MARCHF1: variants seen among roughly 807,000 people sequenced by gnomAD.
MARCHF1 encodes E3 ubiquitin-protein ligase MARCHF1.
In MARCHF1, 40 loss-of-function variants were observed where a neutral mutation model predicts 54.2. The ratio of observed to expected loss-of-function variants is 0.74; its 90% CI spans 0.57 to 0.96. MARCHF1 has a LOEUF of 0.96. Ranked by LOEUF, MARCHF1 falls within the 40% of genes least tolerant of loss-of-function variation. The pLI, the probability that MARCHF1 is intolerant of heterozygous loss-of-function variation, is 0.00. For synonymous variants in MARCHF1, 236 were observed against 236.3 expected (o/e 1.00, Z 0.01); for missense variants, 586 against 656.5 (o/e 0.89, Z 1.17).
chr4:163,867,008 A>T (rs1394434706), intron 3 of MARCHF1, among the ~76,000 whole-genome samples: 3 of 151,916 alleles, frequency 2.0e-5, no homozygotes, highest in Admixed American at 6.6e-5. Context: ...TTACCTAGAC[A>T]TGATTGAATC....
At chr4:164,018,246 T>G (rs1183903399) in intron 2 of MARCHF1, among the ~76,000 whole-genome samples, 1 of 151,982 alleles carries the variant, frequency 6.6e-6, no homozygotes, top group Non-Finnish European at 1.5e-5. Context: ...AAGTAAATTT[T>G]TTTTTGCTAA....
intron 5 of MARCHF1, among the ~76,000 whole-genome samples, chr4:163,632,304 C>T (rs1021586631): frequency 5.9e-5 from 9 of 152,256 alleles, no homozygotes; most frequent in South Asian, 2.1e-4. Flanking sequence ...ACGCAGAAGA[C>T]GGGTGATTTC....
chr4:164,374,128 T>G (rs991596699), intron 1 of MARCHF1, among the ~76,000 whole-genome samples: 1 of 152,174 alleles, frequency 6.6e-6, no homozygotes, highest in Non-Finnish European at 1.5e-5. Context: ...GAAATTAGCA[T>G]GAAACAGAGG....
At chr4:164,181,393 CTA>C (rs1349813162) in intron 1 of MARCHF1, among the ~76,000 whole-genome samples, 1 of 152,074 alleles carries the variant, frequency 6.6e-6, no homozygotes, top group East Asian at 1.9e-4. Context: ...TATTTGTACA[CTA>C]TGTATGTCTA....
chr4:163,718,887 T>C (rs1240294510), intron 4 of MARCHF1, among the ~76,000 whole-genome samples: 2 of 152,218 alleles, frequency 1.3e-5, no homozygotes, highest in African/African-American at 2.4e-5. Context: ...TCTGCTATTG[T>C]AAAATCTTTT....
intron 3 of MARCHF1, among the ~76,000 whole-genome samples, chr4:163,926,729 A>C (rs1751546651): frequency 6.6e-6 from 1 of 151,634 alleles, no homozygotes; most frequent in Non-Finnish European, 1.5e-5. Context: ...CATTTCTCTG[A>C]TACTAAGACA....
chr4:163,958,010 T>C (rs532754745), intron 3 of MARCHF1, among the ~76,000 whole-genome samples: 2 of 152,018 alleles, frequency 1.3e-5, no homozygotes, highest in Admixed American at 6.6e-5. Flanking sequence ...AGCCTTACAA[T>C]AAGAGCCCGA....
At chr4:164,295,609 T>A (rs764613902) in intron 1 of MARCHF1, among the ~76,000 whole-genome samples, 2 of 152,204 alleles carry the variant, frequency 1.3e-5, no homozygotes, top group Non-Finnish European at 2.9e-5. Flanking sequence ...GGGAAATGGC[T>A]GCAATTAAAG....
At chr4:163,940,994 G>A (rs1352730102) in intron 3 of MARCHF1, among the ~76,000 whole-genome samples, 1 of 151,986 alleles carries the variant, frequency 6.6e-6, no homozygotes. Flanking sequence ...AGAGGTATAA[G>A]GTACAATATT....
intron 4 of MARCHF1, among the ~76,000 whole-genome samples, chr4:163,756,031 G>C (rs1746656457): frequency 6.6e-6 from 1 of 152,130 alleles, no homozygotes; most frequent in African/African-American, 2.4e-5. Context: ...CCCTGTGTAT[G>C]CAGCAATTGC....
intron 9 of MARCHF1, among the ~76,000 whole-genome samples, chr4:163,538,479 C>T (rs910324276): frequency 2.0e-5 from 3 of 152,098 alleles, no homozygotes; most frequent in African/African-American, 7.2e-5. Context: ...TAGTTATAAA[C>T]AGGACCTCTG....
intron 5 of MARCHF1, among the ~76,000 whole-genome samples, chr4:163,662,580 C>A (rs779690757): frequency 3.3e-5 from 5 of 151,940 alleles, no homozygotes; most frequent in Non-Finnish European, 7.4e-5. Flanking sequence ...GCTCTAAGTC[C>A]GTCTGTTACC....
chr4:163,761,310 G>A (rs1746819675), intron 4 of MARCHF1, among the ~76,000 whole-genome samples: 1 of 152,224 alleles, frequency 6.6e-6, no homozygotes. Flanking sequence ...CTGCAGGGCA[G>A]AAAGCAGAGA....
chr4:164,232,544 T>G (rs949715939), intron 1 of MARCHF1, among the ~76,000 whole-genome samples: 6 of 152,186 alleles, frequency 3.9e-5, no homozygotes, highest in African/African-American at 1.4e-4. Context: ...CTACTATTTC[T>G]AAACCATAAA....
At chr4:164,316,776 G>A (rs1735011387) in intron 1 of MARCHF1, among the ~76,000 whole-genome samples, 1 of 152,158 alleles carries the variant, frequency 6.6e-6, no homozygotes, top group Non-Finnish European at 1.5e-5. Context: ...GGAACATGGG[G>A]GGTGGATTCC....
intron 1 of MARCHF1, among the ~76,000 whole-genome samples, chr4:164,140,170 T>C (rs1756493358): frequency 6.6e-6 from 1 of 150,470 alleles, no homozygotes; most frequent in South Asian, 2.1e-4. Context: ...CACACACTCA[T>C]GCACACACAC....
chr4:164,131,378 A>G (rs1756297423), intron 1 of MARCHF1, among the ~76,000 whole-genome samples: 1 of 152,058 alleles, frequency 6.6e-6, no homozygotes, highest in African/African-American at 2.4e-5. Context: ...ATGTTTGTCT[A>G]TGTGAAAAAA....
chr4:164,093,538 A>G (rs1338193475), intron 2 of MARCHF1, among the ~76,000 whole-genome samples: 5 of 152,270 alleles, frequency 3.3e-5, no homozygotes, highest in South Asian at 2.1e-4. Context: ...CAAAGAGTCT[A>G]TGATACCCAA....
At chr4:164,342,003 T>G (rs879793868) in intron 1 of MARCHF1, among the ~76,000 whole-genome samples, 4 of 152,142 alleles carry the variant, frequency 2.6e-5, no homozygotes, top group Non-Finnish European at 5.9e-5. Context: ...AACAAGAATT[T>G]AACCAAGGAG....
Sources: gnomAD v4.1 joint callset for allele counts (sites outside exome capture counted in the v4.1 genomes callset) on GRCh38, gnomAD v4.1.1 for gene constraint, MANE v1.5 for transcripts, NCBI Gene and HGNC (gene_info 2026-07-23, HGNC 2026-07-21) for gene names.